Variants in BCAS3 observed in about 807,000 individuals in gnomAD.
BCAS3 encodes BCAS4/BCAS3 fusion.
A neutral mutation model predicts 116.1 loss-of-function variants in BCAS3; 53 were observed. That is an observed-to-expected ratio of 0.46 (90% CI 0.37 to 0.57). The LOEUF is 0.57. Among genes scored for constraint, BCAS3 ranks in the 20% least tolerant of loss-of-function variants. BCAS3 has a pLI of 0.00. For missense variants in BCAS3, 917 were observed against 1,165.4 expected, an observed-to-expected ratio of 0.79 and a Z score of 3.10; for synonymous variants, 391 against 408.2, an observed-to-expected ratio of 0.96 and a Z score of 0.51.
intron 22 of BCAS3, among the ~76,000 whole-genome samples, chr17:61,152,470 C>T (rs1208443553): frequency 6.6e-6 from 1 of 152,132 alleles, no homozygotes; most frequent in Admixed American, 6.5e-5. Flanking sequence ...CAAGTCCCCA[C>T]TCGACCCAGG....
At chr17:60,800,042 G>A (rs1259468641) in intron 6 of BCAS3, among the ~76,000 whole-genome samples, 1 of 152,064 alleles carries the variant, frequency 6.6e-6, no homozygotes, top group Non-Finnish European at 1.5e-5. Flanking sequence ...GTTAACATTT[G>A]TTCACAAGTT....
Position 61,136,336 on chromosome 17 carries a change from C to A in BCAS3, c.2425+51772C>A, listed in dbSNP as rs2076635706. Among the ~76,000 whole-genome samples, 3 of 152,178 alleles carry A rather than the reference C, an allele frequency of 2.0e-5. No homozygotes were observed. The South Asian group carries it at 6.2e-4, about 32-fold the overall frequency. On this transcript the variant is annotated intron_variant, in intron 22 of 23. Transcript: ENST00000407086. The surrounding 1 kb of genome is among the most constrained non-coding windows in gnomAD (Gnocchi z 4.4). Reference sequence around the variant, plus strand: ...TCACCCACTAGACAGTAAGCTTTTTCAAGACAGATACTGTCTCTTCTTCAT... The same window carrying A: ...TCACCCACTAGACAGTAAGCTTTTTAAAGACAGATACTGTCTCTTCTTCAT...
chr17:61,270,659 T>C (rs1290737843), intron 22 of BCAS3, among the ~76,000 whole-genome samples: 1 of 152,216 alleles, frequency 6.6e-6, no homozygotes, highest in African/African-American at 2.4e-5. Context: ...TTACAAATCA[T>C]TGCTAAATCC....
Position 60,768,360 on chromosome 17 carries a change from A to C in BCAS3, c.403+21081A>C, listed in dbSNP as rs562415749. Among the ~76,000 whole-genome samples the C allele has an allele frequency of 1.1e-4, 17 of 152,284 alleles. No homozygotes were observed. In the East Asian group the frequency reaches 3.3e-3, roughly 29 times the overall value. The stretch of plus-strand genomic sequence containing the variant: ...CCCACCCTTAATCTGGATGGACACC[A>C]TCTAATTAGCTGCTAGCATAGCTAG... On this transcript the variant is annotated intron_variant, in intron 6 of 23. Coordinates refer to ENST00000407086, the MANE Select transcript of BCAS3 (RefSeq NM_017679.5).
rs915698164 is a variant in BCAS3 at position 61,217,941 on chromosome 17, A to G, written c.2425+133377A>G. 2.0e-5 allele frequency among the ~76,000 whole-genome samples: 3 copies of G among 152,178 alleles called. No homozygotes were observed. The highest frequency in any genetic ancestry group is 4.4e-5 in the Non-Finnish European group (3 of 68,028). ...CATGCTTTTGAATGAGTTCTGTTAC[A>G]ACAGATCACTGATAATTTAGTGGAC... is the stretch of plus-strand genomic sequence containing the variant. On this transcript the variant is annotated intron_variant, in intron 22 of 23. Coordinates refer to ENST00000407086, the MANE Select transcript of BCAS3 (RefSeq NM_017679.5). The surrounding 1 kb of genome is among the most constrained non-coding windows in gnomAD (Gnocchi z 5.2).
At chr17:60,900,353 G>A (rs1453466463) in intron 10 of BCAS3, among the ~76,000 whole-genome samples, 2 of 152,038 alleles carry the variant, frequency 1.3e-5, no homozygotes, top group African/African-American at 4.8e-5. Context: ...GCCTGGGAGG[G>A]TAGAGGGTCT....
chr17:60,844,608 A>G (rs2052325101), intron 7 of BCAS3, among the ~76,000 whole-genome samples: 2 of 152,014 alleles, frequency 1.3e-5, no homozygotes, highest in Admixed American at 6.6e-5. Context: ...TGGTTCAGAT[A>G]CCTTTGTTGG....
intron 7 of BCAS3, among the ~76,000 whole-genome samples, chr17:60,832,909 G>T (rs1010930822): frequency 4.6e-5 from 7 of 152,166 alleles, no homozygotes; most frequent in Middle Eastern, 3.2e-3. Flanking sequence ...GTTTGGCCAT[G>T]TATGCATTTT....
Position 61,099,772 on chromosome 17 carries a change from G to T in BCAS3, c.2425+15208G>T, listed in dbSNP as rs140295968. On this transcript the variant is annotated intron_variant, in intron 22 of 23. Transcript: ENST00000407086. ...AAACATCTGTTGAAAAGAATGGACA[G>T]GCTTTTGCTTTCTGCTCTTACTAGG... is the stretch of plus-strand genomic sequence containing the variant. Among the ~76,000 whole-genome samples the T allele has an allele frequency of 2.8e-3, 430 of 152,318 alleles. 3 individuals are homozygous for T. Among genetic ancestry groups the T allele is most frequent in the African/African-American group, 9.9e-3 (413 of 41,576 alleles).
chr17:60,764,057 T>A (rs1568196292), intron 6 of BCAS3, among the ~76,000 whole-genome samples: 1 of 152,226 alleles, frequency 6.6e-6, no homozygotes. Flanking sequence ...CTTTATCATT[T>A]TTTATTGCGT....
At position 60,967,642 on chromosome 17, in the gene BCAS3, C is replaced by T. The variant is rs975973062; in HGVS notation, c.1221+20290C>T. 1.3e-5 allele frequency among the ~76,000 whole-genome samples: 2 copies of T among 152,164 alleles called. No individual in the cohort carries two copies. Among genetic ancestry groups the T allele is most frequent in the African/African-American group, 4.8e-5 (2 of 41,440 alleles). ...CATTTTCTACCCTTTAGTCTTATCT[C>T]CCTCTTGAATACCAATAATTCTTAG... On this transcript the variant is annotated intron_variant, in intron 14 of 23. Coordinates refer to ENST00000407086, the MANE Select transcript of BCAS3 (RefSeq NM_017679.5). The surrounding 1 kb of genome is among the most constrained non-coding windows in gnomAD (Gnocchi z 4.7).
chr17:61,164,054 G>A, intron 22 of BCAS3, among the ~76,000 whole-genome samples: 1 of 142,992 alleles, frequency 7.0e-6, no homozygotes, highest in African/African-American at 2.6e-5. Context: ...TATTTGAAAT[G>A]ACCAGATTTT....
chr17:60,916,418 G>C (rs1205064360), intron 12 of BCAS3, among the ~76,000 whole-genome samples: 6 of 151,994 alleles, frequency 3.9e-5, no homozygotes, highest in African/African-American at 1.4e-4. Flanking sequence ...GGCATTCTTA[G>C]AAAAAGGAAA....
intron 19 of BCAS3, chr17:61,070,065 T>G (rs1357185111): frequency 6.3e-7 from 1 of 1,588,536 alleles, no homozygotes; most frequent in Non-Finnish European, 8.6e-7. Flanking sequence ...GGAAGAGCGC[T>G]CCCAGGAGAA....
At position 61,061,079 on chromosome 17, in the gene BCAS3, T is replaced by A. The variant is rs113689810; in HGVS notation, c.2030-13841T>A. Reference sequence around the variant, plus strand: ...TGAGAATTTTCTGATTAATTTAGAGTTAAAATATGGAAAACATCATGAATG... The same window carrying A: ...TGAGAATTTTCTGATTAATTTAGAGATAAAATATGGAAAACATCATGAATG... On this transcript the variant is annotated intron_variant, in intron 19 of 23. Coordinates refer to ENST00000407086, the MANE Select transcript of BCAS3 (RefSeq NM_017679.5). 1.7e-3 allele frequency among the ~76,000 whole-genome samples: 258 copies of A among 152,306 alleles called. 1 individual carries two copies. Among genetic ancestry groups the A allele is most frequent in the African/African-American group, 5.4e-3 (224 of 41,562 alleles).
At chr17:60,795,355 G>T (rs914348885) in intron 6 of BCAS3, among the ~76,000 whole-genome samples, 3 of 152,046 alleles carry the variant, frequency 2.0e-5, no homozygotes, top group Admixed American at 2.0e-4. Flanking sequence ...TGATCATATT[G>T]TCAGCAAACA....
At chr17:60,727,563 G>C in intron 5 of BCAS3, 1 of 1,041,756 alleles carries the variant, frequency 9.6e-7, no homozygotes, top group Non-Finnish European at 1.4e-6. Flanking sequence ...GCTCTCGCCT[G>C]ACAGGAAAGG....
Position 60,756,947 on chromosome 17 carries a change from G to A in BCAS3, c.403+9668G>A, listed in dbSNP as rs574395476. Reference sequence around the variant, plus strand: ...CATGTCTGTAATCCCAGCGGATCACGAGGTCAAGAGATCAAGACCATCCTG... The same window carrying A: ...CATGTCTGTAATCCCAGCGGATCACAAGGTCAAGAGATCAAGACCATCCTG... On this transcript the variant is annotated intron_variant, in intron 6 of 23. Transcript: ENST00000407086. Among the ~76,000 whole-genome samples, 7 of 152,198 alleles carry A rather than the reference G, an allele frequency of 4.6e-5. No individual in the cohort carries two copies. The East Asian group carries it at 5.8e-4, about 13-fold the overall frequency.
intron 22 of BCAS3, among the ~76,000 whole-genome samples, chr17:61,194,014 G>A (rs1385863110): frequency 6.6e-6 from 1 of 151,918 alleles, no homozygotes; most frequent in African/African-American, 2.4e-5. Flanking sequence ...CTATTTGGGA[G>A]GCTGAGGCAG....
Sources: gnomAD v4.1 joint callset for allele counts (sites outside exome capture counted in the v4.1 genomes callset) on GRCh38, gnomAD v4.1.1 for gene constraint, Gnocchi (gnomAD v3.1) non-coding constraint, MANE v1.5 for transcripts, NCBI Gene and HGNC (gene_info 2026-07-23, HGNC 2026-07-21) for gene names.